Variants in MVP observed in about 807,000 individuals in gnomAD.
MVP encodes the protein major vault protein.
A neutral mutation model predicts 83.5 loss-of-function variants in MVP; 62 were observed. The ratio of observed to expected loss-of-function variants is 0.74; its 90% CI spans 0.61 to 0.92. The LOEUF (loss-of-function observed/expected upper bound fraction) is 0.92, where lower values mean the gene tolerates loss of function less well. Ranked by LOEUF, MVP falls within the 40% of genes least tolerant of loss-of-function variation. The probability of loss-of-function intolerance (pLI) is 0.00; values close to 1 mark genes in which losing one functional copy is unlikely to be tolerated. For missense variants in MVP, 1,000 were observed against 1,203.4 expected (o/e 0.83, Z 2.50); for synonymous variants, 505 against 504.1 (o/e 1.00, Z -0.02).
rs376467627 is a variant in MVP at position 29,841,723 on chromosome 16, A to G, written c.1319A>G (p.Lys440Arg). The change falls in exon 9 of 15, where the codon AAG becomes AGG. Residue 440 changes from lysine to arginine, a missense_variant. Coordinates refer to ENST00000357402, the MANE Select transcript of MVP (RefSeq NM_005115.5). The surrounding 1 kb of genome is among the most constrained non-coding windows in gnomAD (Gnocchi z 4.7). ...GQDPLADRGE[K>R]DTAKSLQPLA... ...GACCCTCTGGCAGACAGGGGTGAGA[A>G]GGACACAGCTAAGAGCCTCCAGCCC... The G allele has an allele frequency of 1.2e-6, 2 of 1,612,840 alleles. No individual in the cohort carries two copies. The highest frequency in any genetic ancestry group is 2.2e-5 in the South Asian group (2 of 90,846).
Position 29,835,763 on chromosome 16 carries a change from C to T in MVP, c.637C>T (p.Leu213=). The change falls in exon 6 of 15, where the codon CTG becomes TTG. Residue 213 remains leucine (L), a synonymous_variant. Transcript: ENST00000357402. ...CCTCCCAGCGGTGTTTGAGGAGGTT[C>T]TGGATTTGGTGGACGCCGTCATCCT... ...AYLPAVFEEV[L]DLVDAVILTE... is the part of the protein sequence containing the mutation. 6.2e-7 allele frequency: 1 copy of T among 1,613,944 alleles called. No homozygotes were observed. The highest frequency in any genetic ancestry group is 1.1e-5 in the South Asian group (1 of 91,062).
rs369060098 is a variant in MVP at position 29,847,982 on chromosome 16, T to C, written c.2675T>C (p.Leu892Pro). The C allele has an allele frequency of 3.1e-6, 5 of 1,606,756 alleles. No individual in the cohort carries two copies. In the Admixed American group the frequency reaches 5.3e-5, roughly 17 times the overall value. ...APGDNHVVPVLR is the reference protein window; with the variant it reads ...APGDNHVVPVPR The stretch of plus-strand genomic sequence containing the variant: ...GGAGACAACCACGTGGTGCCTGTAC[T>C]GCGCTAACTCCTGATTAATACAATG... Residue 892 changes from leucine to proline, a missense_variant, in exon 15 of 15, where the codon CTG (leucine) becomes CCG (proline). Coordinates refer to ENST00000357402, the MANE Select transcript of MVP (RefSeq NM_005115.5).
At chr16:29,833,877 G>A (rs2067464210) in intron 4 of MVP, 21 bp downstream of exon 4, 2 of 1,614,076 alleles carry the variant, frequency 1.2e-6, no homozygotes, top group African/African-American at 1.3e-5. Context: ...TCTCCATAGG[G>A]CTCCCTGCCT....
chr16:29,841,942 G>C lies in MVP; in HGVS notation c.1464G>C (p.Ser488=), dbSNP rs537113581. Residue 488 remains serine, a synonymous_variant, in exon 10 of 15, where the codon TCG becomes TCC. Transcript: ENST00000357402. This position sits in a 1 kb window ranked among gnomAD's most constrained non-coding sequence, Gnocchi z 4.7. ...ARVVFGPELV[S]LGPEEQFTVL... is the part of the protein sequence containing the mutation. ...TGGTCTTCGGGCCTGAGCTGGTGTCGCTGGGTCCTGAGGAGCAGTTCACAG... is the reference window on the plus strand; with the variant it reads ...TGGTCTTCGGGCCTGAGCTGGTGTCCCTGGGTCCTGAGGAGCAGTTCACAG... 2.5e-6 allele frequency: 4 copies of C among 1,612,672 alleles called. No homozygotes were observed. The highest frequency in any genetic ancestry group is 3.4e-6 in the Non-Finnish European group (4 of 1,180,026).
At chr16:29,836,434 G>GC (rs1444191413) in intron 6 of MVP, among the ~76,000 whole-genome samples, 11 of 151,996 alleles carry the variant, frequency 7.2e-5, no homozygotes, top group African/African-American at 2.7e-4. Context: ...AATTAGCTGG[G>GC]CATGGTGTCA....
chr16:29,830,483 G>T (rs550063164), intron 1 of MVP, 32 bp from the exon 2 acceptor site: 35 of 1,582,038 alleles, frequency 2.2e-5, no homozygotes, highest in Non-Finnish European at 3.0e-5. Context: ...GGCTCCCCAG[G>T]TTCATCCTGT....
intron 3 of MVP, 118 bp downstream of exon 3, chr16:29,831,191 T>C: frequency 9.7e-7 from 1 of 1,034,686 alleles, no homozygotes; most frequent in South Asian, 1.7e-5. Context: ...AGTTTCACTC[T>C]TGTCGCCCAG....
rs2067601144 is a variant in MVP at position 29,848,000 on chromosome 16, A to G, written c.*11A>G. The G allele has an allele frequency of 6.2e-7, 1 of 1,603,272 alleles. No homozygotes were observed. Among genetic ancestry groups the G allele is most frequent in the African/African-American group, 1.3e-5 (1 of 74,272 alleles). ...CCTGTACTGCGCTAACTCCTGATTA[A>G]TACAATGGAAGTTTCTGGGCATTTA... On this transcript the variant is annotated 3_prime_UTR_variant, in exon 15 of 15. Transcript: ENST00000357402.
At position 29,847,048 on chromosome 16, in the gene MVP, GGT is replaced by G; in HGVS notation, c.2266-145_2266-144del. On this transcript the variant is annotated intron_variant, in intron 13 of 14. Transcript: ENST00000357402. ...AAAAACAAAATTTTTTAATTGACTG[GGT>G]GTGGTGGCACATGCCTGTAGTCCCA... 3.7e-6 allele frequency: 3 copies of G among 813,582 alleles called. No individual in the cohort carries two copies. The East Asian group carries it at 7.6e-5, about 21-fold the overall frequency. The allele number at this position is 813,582 out of a possible 1,614,324, so 50.4% of individuals were successfully genotyped here.
chr16:29,843,590 AAGGG>A (rs376205793), intron 10 of MVP, among the ~76,000 whole-genome samples: 4 of 20,294 alleles, frequency 2.0e-4, no homozygotes, highest in African/African-American at 5.2e-4. Flanking sequence ...GGAAGGGAGG[AAGGG>A]AGGGAGGGAG....
intron 5 of MVP, chr16:29,834,364 T>C (rs4788187): frequency 0.18 from 69,165 of 378,874 alleles, 9,157 homozygotes; most frequent in African/African-American, 0.49. Flanking sequence ...ACAAAGAAGA[T>C]GTTCAAATAC....
rs750291685 is a variant in MVP, at chr16:29,844,741, T to G, written c.1883T>G (p.Phe628Cys). 1 of 1,612,872 alleles carries G rather than the reference T, an allele frequency of 6.2e-7. No homozygotes were observed. The highest frequency in any genetic ancestry group is 8.5e-7 in the Non-Finnish European group (1 of 1,179,978). The change falls in exon 11 of 15, where the codon TTC (phenylalanine) becomes TGC (cysteine). Residue 628 changes from phenylalanine to cysteine, a missense_variant. Phe to Cys is a radical substitution (Grantham distance 205). Coordinates refer to ENST00000357402, the MANE Select transcript of MVP (RefSeq NM_005115.5). ...CCCAGGCCCCGGGACCAGGCTGTCT[T>G]CCCCCAAAACGGGCTGGTGGTCAGC... ...ALPRPRDQAV[F>C]PQNGLVVSSV...
Position 29,841,615 on chromosome 16 carries a change from G to A in MVP, c.1211G>A (p.Ser404Asn). The A allele has an allele frequency of 6.2e-7, 1 of 1,605,126 alleles. No homozygotes were observed. Among genetic ancestry groups the A allele is most frequent in the Non-Finnish European group, 8.5e-7 (1 of 1,174,978 alleles). ...CCCAAGGTGCGCGCTGTGATTGGAA[G>A]CACCTACATGCTGACCCAGGACGAA... Reference protein sequence around the residue: ...KTGKVRAVIGSTYMLTQDEVL... With the variant: ...KTGKVRAVIGNTYMLTQDEVL... Residue 404 changes from serine (S) to asparagine (N), a missense_variant, in exon 9 of 15, where the codon AGC becomes AAC. Coordinates refer to ENST00000357402, the MANE Select transcript of MVP (RefSeq NM_005115.5). The surrounding 1 kb of genome is among the most constrained non-coding windows in gnomAD (Gnocchi z 4.7).
rs200956879 is a variant in MVP, at chr16:29,847,281, G to A, written c.2350G>A (p.Ala784Thr). The change falls in exon 14 of 15, where the codon GCT (alanine) becomes ACT (threonine). Residue 784 changes from alanine (A) to threonine (T), a missense_variant. By Grantham distance (58) the Ala-to-Thr change is moderately conservative. Transcript: ENST00000357402. ...CCAGCTGGAGCTGGAGGTGAGCAAG[G>A]CTCAGCAGCTGGCTGAGGTGGAGGT... ...RAQLELEVSK[A>T]QQLAEVEVKK... 11 of 1,613,334 alleles carry A rather than the reference G, an allele frequency of 6.8e-6. No individual in the cohort carries two copies. The Admixed American group carries it at 1.8e-4, about 27-fold the overall frequency.
chr16:29,825,613 G>A, intron 1 of MVP, among the ~76,000 whole-genome samples: 1 of 152,088 alleles, frequency 6.6e-6, no homozygotes, highest in East Asian at 1.9e-4. Context: ...TGGTGCTGAT[G>A]CAGGGGCAGT....
intron 6 of MVP, 69 bp from the exon 7 acceptor site, chr16:29,836,653 C>T: frequency 2.3e-6 from 3 of 1,286,208 alleles, no homozygotes; most frequent in Non-Finnish European, 3.2e-6. Context: ...CATTTGGTGG[C>T]CAATGGGGCT....
intron 14 of MVP, 45 bp from the exon 15 acceptor site, chr16:29,847,717 A>G (rs1394236659): frequency 5.7e-6 from 9 of 1,581,932 alleles, no homozygotes; most frequent in Non-Finnish European, 6.9e-6. Context: ...TGAAGTGGCC[A>G]GGGTTTGACG....
In MVP at chr16:29,834,279, C is replaced by A; in HGVS notation, c.577+213C>A. 8 of 590,834 alleles carry A rather than the reference C, an allele frequency of 1.4e-5. No homozygotes were observed. In the South Asian group the frequency reaches 1.6e-4, roughly 12 times the overall value. The allele number at this position is 590,834 out of a possible 1,614,324, so 36.6% of individuals were successfully genotyped here. ...GCTGGAAAATGTGACCATGACCATGCGGATGTGGCTTTTCCTTCCCTCACC... is the reference window on the plus strand; with the variant it reads ...GCTGGAAAATGTGACCATGACCATGAGGATGTGGCTTTTCCTTCCCTCACC... On this transcript the variant is annotated intron_variant, in intron 5 of 14. Transcript: ENST00000357402.
At chr16:29,838,132 AG>A (rs1268928693) in intron 7 of MVP, among the ~76,000 whole-genome samples, 1 of 152,112 alleles carries the variant, frequency 6.6e-6, no homozygotes, top group Admixed American at 6.6e-5. Flanking sequence ...CAAAAACAGG[AG>A]GCAGAAAAAG....
Sources: gnomAD v4.1 joint callset for allele counts (sites outside exome capture counted in the v4.1 genomes callset) on GRCh38, gnomAD v4.1.1 for gene constraint, Gnocchi (gnomAD v3.1) non-coding constraint, MANE v1.5 for transcripts, NCBI Gene and HGNC (gene_info 2026-07-23, HGNC 2026-07-21) for gene names.